Variants in VEPH1 observed in about 807,000 individuals in gnomAD.
VEPH1 encodes the protein ventricular zone expressed PH domain containing 1.
Under a neutral mutation model 85.2 loss-of-function variants are expected in VEPH1, and 80 were observed. The observed-to-expected ratio is 0.94, with a 90% CI of 0.78 to 1.13. The LOEUF (loss-of-function observed/expected upper bound fraction) is 1.13, where lower values mean the gene tolerates loss of function less well. Among genes scored for constraint, VEPH1 ranks in the 50% most tolerant of loss-of-function variants. The probability of loss-of-function intolerance (pLI) is 0.00; values close to 1 mark genes in which losing one functional copy is unlikely to be tolerated. For synonymous variants in VEPH1, 297 were observed against 348.0 expected (o/e 0.85, Z 1.63); for missense variants, 955 against 980.5 (o/e 0.97, Z 0.35).
chr3:157,405,160 A>T, intron 6 of VEPH1, among the ~76,000 whole-genome samples: 1 of 152,068 alleles, frequency 6.6e-6, no homozygotes, highest in South Asian at 2.1e-4. Flanking sequence ...CACTCCTTCT[A>T]TGTGCAGCCA....
intron 11 of VEPH1, among the ~76,000 whole-genome samples, chr3:157,293,112 CAAG>C (rs1332876932): frequency 2.6e-5 from 4 of 152,018 alleles, no homozygotes; most frequent in Non-Finnish European, 5.9e-5. Context: ...TGCAATACGG[CAAG>C]AAGAGATCAG....
At chr3:157,283,957 C>T (rs1716454076) in intron 12 of VEPH1, among the ~76,000 whole-genome samples, 1 of 152,160 alleles carries the variant, frequency 6.6e-6, no homozygotes, top group South Asian at 2.1e-4. Context: ...GTTGATGAAA[C>T]CCAGACCAGT....
chr3:157,315,470 G>A (rs1310959059), intron 10 of VEPH1, among the ~76,000 whole-genome samples: 1 of 152,036 alleles, frequency 6.6e-6, no homozygotes, highest in Non-Finnish European at 1.5e-5. Context: ...CATTTAGACT[G>A]GAATCTGTGA....
intron 4 of VEPH1, among the ~76,000 whole-genome samples, chr3:157,454,493 T>C (rs1181555302): frequency 6.6e-6 from 1 of 152,166 alleles, no homozygotes; most frequent in Admixed American, 6.5e-5. Context: ...TGGAAGGCAA[T>C]AGGCATTTTG....
At chr3:157,393,842 T>G (rs1204750287) in intron 6 of VEPH1, among the ~76,000 whole-genome samples, 1 of 152,202 alleles carries the variant, frequency 6.6e-6, no homozygotes. Flanking sequence ...TGCAGGTATA[T>G]GATTGTTTTT....
chr3:157,269,642 G>GTTTTTTTTTTTTTTTTTTTTTTTT (rs11408861), intron 12 of VEPH1, among the ~76,000 whole-genome samples: 24 of 115,456 alleles, frequency 2.1e-4, no homozygotes, highest in African/African-American at 2.3e-4. Flanking sequence ...TGTTTTTGTT[G>GTTTTTTTTTTTTTTTTTTTTTTTT]TTTTTTTTTT....
chr3:157,430,162 T>C (rs546739045), intron 4 of VEPH1, among the ~76,000 whole-genome samples: 2 of 152,328 alleles, frequency 1.3e-5, no homozygotes, highest in South Asian at 4.1e-4. Context: ...TAATTGCTTT[T>C]CATCCCATTT....
chr3:157,489,088 G>A, intron 2 of VEPH1: 2 of 455,900 alleles, frequency 4.4e-6, no homozygotes, highest in South Asian at 3.1e-5. Flanking sequence ...CAGAACCTCT[G>A]CTTCTTCTTA....
chr3:157,447,966 C>T (rs1179377223), intron 4 of VEPH1, among the ~76,000 whole-genome samples: 4 of 151,342 alleles, frequency 2.6e-5, no homozygotes, highest in African/African-American at 4.9e-5. Flanking sequence ...ACAACCAGAA[C>T]GATGATGATG....
intron 6 of VEPH1, among the ~76,000 whole-genome samples, chr3:157,410,366 GT>G (rs1731441334): frequency 6.6e-6 from 1 of 152,042 alleles, no homozygotes; most frequent in Non-Finnish European, 1.5e-5. Context: ...TTCTTTCTTT[GT>G]TGACATTTCC....
At chr3:157,355,422 T>C (rs933748129) in intron 9 of VEPH1, among the ~76,000 whole-genome samples, 3 of 152,200 alleles carry the variant, frequency 2.0e-5, no homozygotes, top group Admixed American at 6.5e-5. Flanking sequence ...CTTTCAGGCA[T>C]CACTAACAAA....
intron 12 of VEPH1, among the ~76,000 whole-genome samples, chr3:157,267,343 C>T (rs1713841674): frequency 6.6e-6 from 1 of 150,774 alleles, no homozygotes; most frequent in South Asian, 2.1e-4. Flanking sequence ...GTGATCCATC[C>T]ACCCTGGCGT....
intron 3 of VEPH1, among the ~76,000 whole-genome samples, chr3:157,468,134 C>T (rs936935419): frequency 5.9e-5 from 9 of 152,156 alleles, no homozygotes; most frequent in Non-Finnish European, 8.8e-5. Flanking sequence ...TGTCTTCTCA[C>T]TCTACTTAGC....
chr3:157,369,180 G>GGAAAAA (rs1553773035), intron 7 of VEPH1, among the ~76,000 whole-genome samples: 5 of 42,786 alleles, frequency 1.2e-4, no homozygotes, highest in South Asian at 2.3e-3. Flanking sequence ...AAAACCAAAT[G>GGAAAAA]AAAAAAAAAA....
intron 7 of VEPH1, among the ~76,000 whole-genome samples, chr3:157,378,390 T>C (rs899185776): frequency 7.0e-6 from 1 of 143,340 alleles, no homozygotes; most frequent in Non-Finnish European, 1.5e-5. Flanking sequence ...AGGTTTTTGT[T>C]TCCTTGGGGA....
chr3:157,454,225 T>C (rs562864194), intron 4 of VEPH1, among the ~76,000 whole-genome samples: 1 of 152,294 alleles, frequency 6.6e-6, no homozygotes, highest in Non-Finnish European at 1.5e-5. Flanking sequence ...GCAAATTTAA[T>C]ATTACATATA....
chr3:157,268,671 A>T (rs1280991099), intron 12 of VEPH1, among the ~76,000 whole-genome samples: 2 of 152,218 alleles, frequency 1.3e-5, no homozygotes, highest in Non-Finnish European at 2.9e-5. Context: ...TGAGGACACT[A>T]GGTAAATAGC....
chr3:157,456,412 T>C (rs1157987330), intron 4 of VEPH1, among the ~76,000 whole-genome samples: 2 of 152,184 alleles, frequency 1.3e-5, no homozygotes, highest in Admixed American at 6.5e-5. Flanking sequence ...TTTGTTGCAA[T>C]TGCTTTTGGT....
At chr3:157,424,720 T>A (rs1732621793) in intron 5 of VEPH1, among the ~76,000 whole-genome samples, 1 of 152,160 alleles carries the variant, frequency 6.6e-6, no homozygotes, top group Non-Finnish European at 1.5e-5. Context: ...GAGAGATTAT[T>A]AAGGGTATCT....
Sources: gnomAD v4.1 joint callset for allele counts (sites outside exome capture counted in the v4.1 genomes callset) on GRCh38, gnomAD v4.1.1 for gene constraint, MANE v1.5 for transcripts, NCBI Gene and HGNC (gene_info 2026-07-23, HGNC 2026-07-21) for gene names.